Variants in KAT6B observed in about 807,000 individuals in gnomAD.
The protein encoded by KAT6B is histone acetyltransferase KAT6B.
KAT6B carries 10 observed loss-of-function variants against 187.5 expected under a neutral mutation model. The ratio of observed to expected loss-of-function variants is 0.05; its 90% confidence interval spans 0.03 to 0.09. The LOEUF is 0.09. KAT6B is among the 10% of genes least tolerant of loss of function. The pLI, the probability that KAT6B is intolerant of heterozygous loss-of-function variation, is 1.00. For synonymous variants in KAT6B, 861 were observed against 926.8 expected (o/e 0.93, Z 1.29); for missense variants, 1,952 against 2,558.9 (o/e 0.76, Z 5.12).
intron 1 of KAT6B, among the ~76,000 whole-genome samples, chr10:74,828,813 C>T (rs1432227339): frequency 3.3e-5 from 5 of 151,730 alleles, no homozygotes; most frequent in Admixed American, 6.6e-5. Flanking sequence ...GTGATCTGCC[C>T]GCCTCGGCCT....
intron 1 of KAT6B, among the ~76,000 whole-genome samples, chr10:74,837,913 T>G (rs1841428917): frequency 6.6e-6 from 1 of 152,012 alleles, no homozygotes; most frequent in Admixed American, 6.6e-5. Flanking sequence ...TACATCTGCT[T>G]CTGCCTAATT....
intron 3 of KAT6B, among the ~76,000 whole-genome samples, chr10:74,870,859 G>A (rs796766428): frequency 7.9e-5 from 12 of 151,482 alleles, no homozygotes; most frequent in African/African-American, 2.7e-4. Flanking sequence ...TGACAGATGT[G>A]AGCCACCATG....
chr10:74,845,673 T>A (rs1842052967), intron 3 of KAT6B, among the ~76,000 whole-genome samples: 1 of 151,506 alleles, frequency 6.6e-6, no homozygotes, highest in Non-Finnish European at 1.5e-5. Flanking sequence ...AGTTTTTAAA[T>A]TTTTTGTAGA....
At position 74,981,888 on chromosome 10, in the gene KAT6B, CA is replaced by C; in HGVS notation, c.2336del (p.Asn779MetfsTer18). 1 of 1,613,394 alleles carries C rather than the reference CA, an allele frequency of 6.2e-7. No individual in the cohort carries two copies. Among genetic ancestry groups the C allele is most frequent in the Non-Finnish European group, 8.5e-7 (1 of 1,179,496 alleles). On this transcript the variant is annotated frameshift_variant, in exon 11 of 18. Transcript: ENST00000287239. LOFTEE classifies it high-confidence loss of function. ...SKKCGWFHPP[A>X]NEIYRRKDLS... ...AAGTGTGGATGGTTTCATCCTCCAG[CA>C]AATGAAATTTACCGAAGGAAAGACC...
In KAT6B at chr10:74,915,153, T is replaced by G. The variant is rs138328621; in HGVS notation, c.622-44817T>G. Among the ~76,000 whole-genome samples, 309 of 152,300 alleles carry G rather than the reference T, an allele frequency of 2.0e-3. 1 individual carries two copies. The highest frequency in any genetic ancestry group is 7.1e-3 in the African/African-American group (295 of 41,556). ...CTCTTACTTTGGCAAAAATATATGTTTCTTCATAGTGATGATAATCATAAT... is the reference window on the plus strand; with the variant it reads ...CTCTTACTTTGGCAAAAATATATGTGTCTTCATAGTGATGATAATCATAAT... On this transcript the variant is annotated intron_variant, in intron 3 of 17. Transcript: ENST00000287239.
In KAT6B at chr10:74,842,852, T is replaced by G. The variant is rs750700485; in HGVS notation, c.-6T>G. The G allele has an allele frequency of 1.2e-6, 2 of 1,613,870 alleles. No homozygotes were observed. The highest frequency in any genetic ancestry group is 2.7e-5 in the African/African-American group (2 of 74,938). On this transcript the variant is annotated 5_prime_UTR_variant, in exon 3 of 18. Coordinates refer to ENST00000287239, the MANE Select transcript of KAT6B (RefSeq NM_012330.4). ...ACTTTTGTGTTGAAGAAGTCATTTG[T>G]CAACCATGGTAAAACTTGCAAACCC...
intron 13 of KAT6B, among the ~76,000 whole-genome samples, chr10:75,016,697 A>G (rs1218203967): frequency 6.6e-6 from 1 of 152,196 alleles, no homozygotes; most frequent in African/African-American, 2.4e-5. Context: ...TTTGTTTTCC[A>G]TCTGAAACAG....
At chr10:74,965,468 G>A (rs1219959467) in intron 4 of KAT6B, among the ~76,000 whole-genome samples, 1 of 152,292 alleles carries the variant, frequency 6.6e-6, no homozygotes, top group East Asian at 1.9e-4. Flanking sequence ...ACTGTATCCA[G>A]TGCTCATTAA....
At chr10:74,849,035 G>T (rs1842299671) in intron 3 of KAT6B, among the ~76,000 whole-genome samples, 1 of 152,168 alleles carries the variant, frequency 6.6e-6, no homozygotes, top group Non-Finnish European at 1.5e-5. Context: ...AGTCTGGAGT[G>T]CAGTGGCATG....
chr10:74,882,014 T>G (rs1004725208), intron 3 of KAT6B, among the ~76,000 whole-genome samples: 1 of 152,138 alleles, frequency 6.6e-6, no homozygotes, highest in African/African-American at 2.4e-5. Context: ...GAAAGCACCC[T>G]TGGTGGGTGC....
intron 2 of KAT6B, among the ~76,000 whole-genome samples, chr10:74,839,273 G>A (rs1656439732): frequency 1.4e-5 from 2 of 147,890 alleles, no homozygotes; most frequent in South Asian, 4.3e-4. Flanking sequence ...TCTTGTTGCC[G>A]AGGCTGGAGT....
At chr10:75,001,759 T>C (rs1472533921) in intron 13 of KAT6B, among the ~76,000 whole-genome samples, 1 of 152,172 alleles carries the variant, frequency 6.6e-6, no homozygotes, top group Non-Finnish European at 1.5e-5. Flanking sequence ...TTGAAATAAA[T>C]GTTTGATACC....
At chr10:74,950,217 A>G (rs1840224260) in intron 3 of KAT6B, among the ~76,000 whole-genome samples, 1 of 152,216 alleles carries the variant, frequency 6.6e-6, no homozygotes, top group African/African-American at 2.4e-5. Flanking sequence ...TGTCCAATTC[A>G]TGATGAAATT....
At chr10:74,940,976 C>G (rs958525291) in intron 3 of KAT6B, among the ~76,000 whole-genome samples, 2 of 152,160 alleles carry the variant, frequency 1.3e-5, no homozygotes, top group Non-Finnish European at 2.9e-5. Flanking sequence ...ATTAAGATTC[C>G]TAAGTTAATC....
At chr10:74,965,163 C>T (rs1439090324) in intron 4 of KAT6B, among the ~76,000 whole-genome samples, 1 of 152,210 alleles carries the variant, frequency 6.6e-6, no homozygotes, top group Non-Finnish European at 1.5e-5. Flanking sequence ...CTATTCTGTT[C>T]ACATTCTGCA....
intron 3 of KAT6B, among the ~76,000 whole-genome samples, chr10:74,869,371 C>A (rs531605827): frequency 9.2e-5 from 14 of 152,240 alleles, no homozygotes. Flanking sequence ...GATCTCCCCT[C>A]AGTGCAACCT....
intron 3 of KAT6B, among the ~76,000 whole-genome samples, chr10:74,878,857 G>A (rs1844632282): frequency 6.6e-6 from 1 of 152,150 alleles, no homozygotes. Flanking sequence ...ACCATCTTTA[G>A]CATAGAAGCC....
intron 17 of KAT6B, among the ~76,000 whole-genome samples, chr10:75,028,259 C>T (rs1368752775): frequency 6.6e-6 from 1 of 152,122 alleles, no homozygotes. Context: ...TTAGCATTGC[C>T]TATATCCATG....
At chr10:74,886,637 G>A (rs922496787) in intron 3 of KAT6B, among the ~76,000 whole-genome samples, 1 of 152,106 alleles carries the variant, frequency 6.6e-6, no homozygotes, top group Non-Finnish European at 1.5e-5. Flanking sequence ...AAACCCAGGG[G>A]CAAAGGACAA....
Sources: allele counts gnomAD v4.1 joint callset (sites outside exome capture counted in the v4.1 genomes callset), GRCh38; gene constraint gnomAD v4.1.1; transcripts MANE v1.5; gene names NCBI Gene and HGNC (gene_info 2026-07-23, HGNC 2026-07-21).